LRP2BP: variants seen among roughly 807,000 people sequenced by gnomAD.
LRP2BP encodes the protein LRP2-binding protein.
In LRP2BP, 38 loss-of-function variants were observed where a neutral mutation model predicts 45.2. That is an observed-to-expected ratio of 0.84 (90% CI 0.65 to 1.10). The LOEUF (loss-of-function observed/expected upper bound fraction) is 1.10, where lower values mean the gene tolerates loss of function less well. LRP2BP is among the 50% of genes least tolerant of loss of function. The pLI, the probability that LRP2BP is intolerant of heterozygous loss-of-function variation, is 0.00. For missense variants in LRP2BP, 385 were observed against 418.9 expected, an observed-to-expected ratio of 0.92 and a Z score of 0.71; for synonymous variants, 153 against 153.9, an observed-to-expected ratio of 0.99 and a Z score of 0.04.
At chr4:185,373,561 A>G (rs1319711977) in intron 6 of LRP2BP, among the ~76,000 whole-genome samples, 2 of 152,246 alleles carry the variant, frequency 1.3e-5, no homozygotes, top group Non-Finnish European at 2.9e-5. Flanking sequence ...ACTCTGCTAC[A>G]GTGAATTTGA....
chr4:185,372,839 C>T lies in LRP2BP; in HGVS notation c.803+17G>A. 6.4e-7 allele frequency: 1 copy of T among 1,560,614 alleles called. No homozygotes were observed. Among genetic ancestry groups the T allele is most frequent in the East Asian group, 2.3e-5 (1 of 44,170 alleles). On this transcript the variant is annotated intron_variant, in intron 7 of 8. Transcript: ENST00000505916. ...GATATTCTGTTACAGCAGCACAGAA[C>T]AGACAAAGACATTCACCTTTTGGAA...
rs746860044 is a variant in LRP2BP, at chr4:185,373,006, A to G, written c.653T>C (p.Leu218Ser). 2 of 1,613,850 alleles carry G rather than the reference A, an allele frequency of 1.2e-6. No individual in the cohort carries two copies. The highest frequency in any genetic ancestry group is 1.7e-5 in the Admixed American group (1 of 60,016). ...ATCCTGCCGGATGCCTTGTCCATAC[A>G]AGTACATGAGCCCAAGTGCACCCTG... ...ESQGALGLMY[L>S]YGQGIRQDTE... Residue 218 changes from leucine to serine, a missense_variant, in exon 7 of 9, where the codon TTG becomes TCG. Physicochemically the swap from Leu to Ser is moderately radical, Grantham distance 145. Coordinates refer to ENST00000505916, the MANE Select transcript of LRP2BP (RefSeq NM_001377440.1).
chr4:185,378,595 A>T (rs2095446063), intron 1 of LRP2BP: 1 of 996,718 alleles, frequency 1.0e-6, no homozygotes, highest in Admixed American at 5.9e-5. Flanking sequence ...CTTGTAACTG[A>T]CACTCATCGG....
At chr4:185,368,087 A>C (rs1218513484) in intron 8 of LRP2BP, among the ~76,000 whole-genome samples, 2 of 152,190 alleles carry the variant, frequency 1.3e-5, no homozygotes, top group East Asian at 1.9e-4. Context: ...CTGAGCCAGG[A>C]GAATGGCGTG....
upstream of LRP2BP, chr4:185,397,140 C>T (rs772772775): frequency 1.9e-6 from 3 of 1,613,010 alleles, no homozygotes; most frequent in African/African-American, 1.3e-5. Context: ...GATCTGTTCT[C>T]TTCCTGCAGG....
At chr4:185,387,240 C>G (rs1469495703) in intron 1 of LRP2BP, among the ~76,000 whole-genome samples, 2 of 152,048 alleles carry the variant, frequency 1.3e-5, no homozygotes, top group African/African-American at 4.8e-5. Context: ...CTCAAACAAA[C>G]CAACAAAAAA....
Position 185,395,675 on chromosome 4 carries a change from A to G in LRP2BP, c.-918T>C, listed in dbSNP as rs4862524. 0.78 allele frequency: 765,959 copies of G among 984,324 alleles called. 300,884 individuals carry two copies. Among genetic ancestry groups the G allele is most frequent in the East Asian group, 0.94 (8,318 of 8,806 alleles). 61.0% of individuals were successfully genotyped at this position (984,324 alleles called of 1,614,324 possible). A position where few individuals can be genotyped will look rare whatever the true frequency, so the allele number is the denominator to read the frequency against. ...TACCCCTTGGGTAACTAAGTATAAC[A>G]ACATAAACTTGCGATTGCAAATTTT... On this transcript the variant is annotated 5_prime_UTR_variant, in exon 1 of 9. Coordinates refer to ENST00000505916, the MANE Select transcript of LRP2BP (RefSeq NM_001377440.1).
chr4:185,387,297 C>T (rs540647445), intron 1 of LRP2BP, among the ~76,000 whole-genome samples: 26 of 152,268 alleles, frequency 1.7e-4, no homozygotes, highest in African/African-American at 6.0e-4. Context: ...AGGCCGTATC[C>T]GAAACCTTGG....
intron 3 of LRP2BP, among the ~76,000 whole-genome samples, chr4:185,376,443 C>CT (rs34024562): frequency 0.16 from 16,612 of 105,660 alleles, 1,769 homozygotes; most frequent in African/African-American, 0.25. Flanking sequence ...TGCCCAGCTA[C>CT]TTTTTTTTTT....
intron 1 of LRP2BP, among the ~76,000 whole-genome samples, chr4:185,382,104 T>C (rs1423202588): frequency 6.6e-6 from 1 of 152,220 alleles, no homozygotes; most frequent in Admixed American, 6.5e-5. Context: ...GGATATTCTA[T>C]ATAAATGGAA....
At chr4:185,390,358 G>GA (rs549082657) in intron 1 of LRP2BP, among the ~76,000 whole-genome samples, 399 of 151,698 alleles carry the variant, frequency 2.6e-3, no homozygotes, top group Non-Finnish European at 4.1e-3. Context: ...TAAAAATACA[G>GA]AAAAAAATAA....
intron 7 of LRP2BP, among the ~76,000 whole-genome samples, chr4:185,371,275 C>G (rs1363309164): frequency 6.6e-6 from 1 of 152,110 alleles, no homozygotes; most frequent in Non-Finnish European, 1.5e-5. Flanking sequence ...CGCGGTGGCT[C>G]ACGCCTGTAA....
Sources: gnomAD v4.1 joint callset for allele counts (sites outside exome capture counted in the v4.1 genomes callset) on GRCh38, gnomAD v4.1.1 for gene constraint, MANE v1.5 for transcripts, NCBI Gene and HGNC (gene_info 2026-07-23, HGNC 2026-07-21) for gene names.